The following HUWE1 variants were observed in gnomAD, a reference collection of about 807,000 sequenced individuals.
HUWE1 encodes the protein E3 ubiquitin-protein ligase HUWE1.
In HUWE1, 18 loss-of-function variants were observed where a neutral mutation model predicts 299.4. The ratio of observed to expected loss-of-function variants is 0.06; its 90% CI spans 0.04 to 0.09. The LOEUF is 0.09. HUWE1 is among the 10% of genes least tolerant of loss of function. The pLI, the probability that HUWE1 is intolerant of heterozygous loss-of-function variation, is 1.00. For missense variants in HUWE1, 1,832 were observed against 3,462.3 expected (o/e 0.53, Z 11.82); for synonymous variants, 1,317 against 1,286.1 (o/e 1.02, Z -0.51).
At chrX:53,660,134 C>A (rs782164822) in intron 3 of HUWE1, among the ~76,000 whole-genome samples, 1 of 111,751 alleles carries the variant, frequency 8.9e-6, no homozygotes, top group Non-Finnish European at 1.9e-5. Context: ...TAGAGCTCCA[C>A]GTGCAGAAAA....
chrX:53,584,155 T>TAG, intron 41 of HUWE1, 31 bp downstream of exon 41: 1 of 1,183,776 alleles, frequency 8.4e-7, no homozygotes. Context: ...AAAGGCACAT[T>TAG]AGCTTTAGGT....
At chrX:53,663,462 G>A (rs1370624229) in intron 3 of HUWE1, among the ~76,000 whole-genome samples, 5 of 110,772 alleles carry the variant, frequency 4.5e-5, no homozygotes, top group African/African-American at 6.6e-5. Context: ...GCAGTGAGCC[G>A]AGATTGCACC....
chrX:53,553,025 C>A, intron 61 of HUWE1, 132 bp from the exon 62 acceptor site: 1 of 665,005 alleles, frequency 1.5e-6, no homozygotes, highest in Non-Finnish European at 2.4e-6. Context: ...TTGCTGTCCC[C>A]CTCTCAATCT....
chrX:53,546,399 C>A (rs1439420427), intron 70 of HUWE1, 37 bp downstream of exon 70: 1 of 1,177,963 alleles, frequency 8.5e-7, no homozygotes, highest in Non-Finnish European at 1.1e-6. Flanking sequence ...TAAGTGGAAA[C>A]CTTCAGAAAG....
At chrX:53,567,712 A>G (rs1233836908) in intron 49 of HUWE1, among the ~76,000 whole-genome samples, 1 of 112,036 alleles carries the variant, frequency 8.9e-6, no homozygotes, top group African/African-American at 3.2e-5. Flanking sequence ...TTATCAACTG[A>G]TGTTAAGGCT....
At position 53,559,076 on chromosome X, in the gene HUWE1, A is replaced by G. The variant is rs2062165069; in HGVS notation, c.7916-16T>C. ...GACAGGGTTCCTGTAGGGACAGCAA[A>G]GGGGAATGAGATTCTTGGCCTTGTC... On this transcript the variant is annotated splice_polypyrimidine_tract_variant and intron_variant, in intron 57 of 83. Transcript: ENST00000262854. The G allele has an allele frequency of 1.8e-6, 2 of 1,128,139 alleles. No individual in the cohort carries two copies. The highest frequency in any genetic ancestry group is 2.4e-6 in the Non-Finnish European group (2 of 837,932). The allele number at this position is 1,128,139 out of a possible 1,213,427, so 93.0% of individuals were successfully genotyped here. A position where few individuals can be genotyped will look rare whatever the true frequency, so the allele number is the denominator to read the frequency against.
At chrX:53,599,970 T>C (rs2064735543) in intron 29 of HUWE1, 148 bp downstream of exon 29, 1 of 521,707 alleles carries the variant, frequency 1.9e-6, no homozygotes. Flanking sequence ...GCCTGTCACA[T>C]AGCAGCCACT....
chrX:53,591,219 A>G, intron 33 of HUWE1, 97 bp from the exon 34 acceptor site: 2 of 988,721 alleles, frequency 2.0e-6, no homozygotes, highest in South Asian at 4.1e-5. Context: ...AACTTTTTCT[A>G]ACTTCATCTG....
At chrX:53,656,711 T>C (rs58986088) in intron 3 of HUWE1, among the ~76,000 whole-genome samples, 18,941 of 110,556 alleles carry the variant, frequency 0.17, 3,918 homozygotes, top group African/African-American at 0.58. Flanking sequence ...TTCTAAAGTG[T>C]ATATGTTGTA....
At chrX:53,659,566 G>A (rs145050312) in intron 3 of HUWE1, among the ~76,000 whole-genome samples, 5 of 111,793 alleles carry the variant, frequency 4.5e-5, no homozygotes, top group East Asian at 2.8e-4. Flanking sequence ...GAGGTGGAGC[G>A]CAGAGGATTT....
At chrX:53,670,747 A>G (rs782280198) in intron 3 of HUWE1, among the ~76,000 whole-genome samples, 1 of 112,034 alleles carries the variant, frequency 8.9e-6, no homozygotes, top group East Asian at 2.8e-4. Flanking sequence ...TTGGGTTAAC[A>G]AACTGCAAAG....
chrX:53,595,484 T>C, intron 29 of HUWE1, 81 bp from the exon 30 acceptor site: 1 of 758,549 alleles, frequency 1.3e-6, no homozygotes, highest in Non-Finnish European at 2.0e-6. Flanking sequence ...CATTAACATA[T>C]TTTTATGACT....
intron 79 of HUWE1, 63 bp downstream of exon 79, chrX:53,536,317 G>A: frequency 8.6e-7 from 1 of 1,166,189 alleles, no homozygotes; most frequent in Non-Finnish European, 1.2e-6. Flanking sequence ...GCACAAGGAT[G>A]GGACACAAAA....
At chrX:53,618,537 C>A (rs1231744409) in intron 19 of HUWE1, among the ~76,000 whole-genome samples, 8 of 107,435 alleles carry the variant, frequency 7.4e-5, no homozygotes, top group African/African-American at 2.7e-4. Context: ...GAAGTGACAG[C>A]AAAGCAGACT....
rs144140925 is a variant in HUWE1 at position 53,575,623 on chromosome X, C to T, written c.6030+20G>A. 6.3e-3 allele frequency: 7,548 copies of T among 1,202,334 alleles called. 50 individuals are homozygous for T. Among genetic ancestry groups the T allele is most frequent in the Middle Eastern group, 0.023 (100 of 4,336 alleles). On this transcript the variant is annotated intron_variant, in intron 45 of 83. Transcript: ENST00000262854. The stretch of plus-strand genomic sequence containing the variant: ...TTGAAAAATGAGAAGAAAGATAAAA[C>T]GCTGTTGGAATTGACTTACATTAAT...
rs782192926 is a variant in HUWE1 at position 53,654,128 on chromosome X, C to T, written c.-21G>A. 4.1e-5 allele frequency: 47 copies of T among 1,134,202 alleles called. No individual in the cohort carries two copies. Among genetic ancestry groups the T allele is most frequent in the Middle Eastern group, 2.4e-4 (1 of 4,117 alleles). 93.5% of individuals were successfully genotyped at this position (1,134,202 alleles called of 1,213,427 possible). A position where few individuals can be genotyped will look rare whatever the true frequency, so the allele number is the denominator to read the frequency against. ...TTCATGATTTCAATTTTCAGCTTTA[C>T]GATCTGAAAAAAGAAAATCCCAAAA... On this transcript the variant is annotated 5_prime_UTR_variant, in exon 4 of 84. Coordinates refer to ENST00000262854, the MANE Select transcript of HUWE1 (RefSeq NM_031407.7).
rs782606883 is a variant in HUWE1 at position 53,623,372 on chromosome X, A to C, written c.1672+1223T>G. On this transcript the variant is annotated intron_variant, in intron 19 of 83. Transcript: ENST00000262854. ...ACCGTAAAACAAATCTTAAAAAAAA[A>C]CAAAAAAACCCCAAAGAACTATTGT... is the stretch of plus-strand genomic sequence containing the variant. Among the ~76,000 whole-genome samples, 20 of 111,804 alleles carry C rather than the reference A, an allele frequency of 1.8e-4. No individual in the cohort carries two copies. In the East Asian group the frequency reaches 2.8e-3, roughly 16 times the overall value.
intron 42 of HUWE1, among the ~76,000 whole-genome samples, chrX:53,582,309 T>C (rs1027814586): frequency 8.9e-6 from 1 of 112,551 alleles, no homozygotes. Flanking sequence ...TAGTTGTTCC[T>C]TCCCTGCTGG....
intron 2 of HUWE1, among the ~76,000 whole-genome samples, chrX:53,680,902 G>A (rs782245901): frequency 5.1e-4 from 38 of 73,968 alleles, no homozygotes; most frequent in Non-Finnish European, 8.7e-4. Flanking sequence ...TACCTACAAA[G>A]CACTTCAAAT....
Sources: allele counts gnomAD v4.1 joint callset (sites outside exome capture counted in the v4.1 genomes callset), GRCh38; gene constraint gnomAD v4.1.1; transcripts MANE v1.5; gene names NCBI Gene and HGNC (gene_info 2026-07-23, HGNC 2026-07-21).